Variants in ST3GAL6 observed in about 807,000 individuals in gnomAD.
ST3GAL6 encodes the protein type 2 lactosamine alpha-2,3-sialyltransferase.
In ST3GAL6, 31 loss-of-function variants were observed where a neutral mutation model predicts 40.5. The observed-to-expected ratio is 0.77, with a 90% CI of 0.58 to 1.03. The LOEUF (loss-of-function observed/expected upper bound fraction) is 1.03. Ranked by LOEUF, ST3GAL6 falls within the 50% of genes least tolerant of loss-of-function variation. ST3GAL6 has a pLI of 0.00. For missense variants in ST3GAL6, 357 were observed against 393.2 expected, an observed-to-expected ratio of 0.91 and a Z score of 0.78; for synonymous variants, 129 against 136.9, an observed-to-expected ratio of 0.94 and a Z score of 0.40.
At chr3:98,780,176 A>G (rs890734734) in intron 5 of ST3GAL6, among the ~76,000 whole-genome samples, 4 of 152,172 alleles carry the variant, frequency 2.6e-5, no homozygotes, top group African/African-American at 7.2e-5. Context: ...GAGGGAAGCA[A>G]TGAGTAACGA....
At chr3:98,759,353 G>A (rs552190337), upstream of ST3GAL6, among the ~76,000 whole-genome samples, 24 of 152,302 alleles carry the variant, frequency 1.6e-4, 1 homozygote, top group South Asian at 2.3e-3. Flanking sequence ...GAGGGAGGCC[G>A]TGTAGTGCTA....
chr3:98,776,097 T>A (rs1374999655), intron 5 of ST3GAL6, among the ~76,000 whole-genome samples: 1 of 152,218 alleles, frequency 6.6e-6, no homozygotes, highest in African/African-American at 2.4e-5. Context: ...GATAAGAATA[T>A]ATTTATGACA....
At chr3:98,753,059 A>G (rs1937146141) in intron 1 of ST3GAL6, among the ~76,000 whole-genome samples, 1 of 152,242 alleles carries the variant, frequency 6.6e-6, no homozygotes, top group Non-Finnish European at 1.5e-5. Context: ...AAGCTTAGTG[A>G]GGAAAGCCTG....
upstream of ST3GAL6, chr3:98,763,128 C>T (rs1937965263): frequency 5.1e-6 from 5 of 985,204 alleles, no homozygotes; most frequent in Non-Finnish European, 3.6e-6. Flanking sequence ...ATGGCTGGGT[C>T]TGTGAGGCTT....
At chr3:98,788,270 T>C (rs1321858686) in intron 7 of ST3GAL6, 48 bp downstream of exon 7, 1 of 1,588,594 alleles carries the variant, frequency 6.3e-7, no homozygotes, top group African/African-American at 1.4e-5. Context: ...TAGTGCTTTT[T>C]TTCCTTAAAA....
Position 98,792,068 on chromosome 3 carries a change from C to T in ST3GAL6, c.909+75C>T, listed in dbSNP as rs572213181. On this transcript the variant is annotated intron_variant, in intron 9 of 9. Transcript: ENST00000483910. ...GAGGGATGGAAAGCCCATATTTTCT[C>T]TTCTCACACTCATTTTACTGAGGGA... 7.7e-5 allele frequency: 105 copies of T among 1,367,328 alleles called. No homozygotes were observed. In the South Asian group the frequency reaches 1.8e-3, roughly 23 times the overall value. The allele number at this position is 1,367,328 out of a possible 1,614,324, so 84.7% of individuals were successfully genotyped here.
At chr3:98,768,618 A>C (rs1466208383) in intron 2 of ST3GAL6, 89 bp downstream of exon 2, 3 of 957,182 alleles carry the variant, frequency 3.1e-6, no homozygotes, top group Admixed American at 2.1e-5. Flanking sequence ...TATGAAAAAA[A>C]CTTGTACCAT....
intron 8 of ST3GAL6, among the ~76,000 whole-genome samples, chr3:98,791,191 T>C (rs1016168049): frequency 6.6e-6 from 1 of 152,190 alleles, no homozygotes; most frequent in Non-Finnish European, 1.5e-5. Flanking sequence ...TCAAGATATA[T>C]GTAAGATAAG....
At position 98,737,369 on chromosome 3, in the gene ST3GAL6, T is replaced by C. The variant is rs532956698; in HGVS notation, c.-12+4837T>C. Among the ~76,000 whole-genome samples, 303 of 152,222 alleles carry C rather than the reference T, an allele frequency of 2.0e-3. 3 individuals carry two copies. Among genetic ancestry groups the C allele is most frequent in the Middle Eastern group, 3.4e-3 (1 of 294 alleles). ...CGCGGCCCCTTCCTGTCTCTCTGTC[T>C]CTCTTTCTCTCTCTCACACACATAA... On this transcript the variant is annotated intron_variant, in intron 1 of 9. Coordinates refer to the ST3GAL6 transcript ENST00000265261.
rs143124268 is a variant in ST3GAL6 at position 98,780,056 on chromosome 3, A to G, written c.336-4889A>G. Among the ~76,000 whole-genome samples the G allele has an allele frequency of 3.3e-5, 5 of 152,380 alleles. 1 individual carries two copies. The highest frequency in any genetic ancestry group is 4.1e-4 in the South Asian group (2 of 4,830). ...AGTCACCCAAAGGACACTGAAAGTC[A>G]TTGTTCCACACATAAAAAGGCAGAG... On this transcript the variant is annotated intron_variant, in intron 5 of 9. Coordinates refer to ENST00000483910, the MANE Select transcript of ST3GAL6 (RefSeq NM_001323368.2).
chr3:98,739,618 T>G (rs1178319843), intron 1 of ST3GAL6, among the ~76,000 whole-genome samples: 1 of 152,212 alleles, frequency 6.6e-6, no homozygotes, highest in East Asian at 1.9e-4. Flanking sequence ...TATTAAAATC[T>G]TATGCAACTT....
intron 1 of ST3GAL6, among the ~76,000 whole-genome samples, chr3:98,766,571 C>T (rs1938368988): frequency 6.6e-6 from 1 of 151,878 alleles, no homozygotes; most frequent in African/African-American, 2.4e-5. Context: ...CAGGTGCCTG[C>T]CATCACGCCC....
At chr3:98,756,959 T>A (rs1937465829) in intron 1 of ST3GAL6, among the ~76,000 whole-genome samples, 1 of 152,242 alleles carries the variant, frequency 6.6e-6, no homozygotes, top group South Asian at 2.1e-4. Flanking sequence ...GTTTTCTCAA[T>A]AGAATTAATT....
chr3:98,756,376 A>C (rs1233254451), intron 1 of ST3GAL6: 1 of 1,289,782 alleles, frequency 7.8e-7, no homozygotes, highest in Admixed American at 2.3e-5. Flanking sequence ...CAGCATTTGC[A>C]AGTGAGGAAG....
chr3:98,741,847 C>G (rs927643462), intron 1 of ST3GAL6, among the ~76,000 whole-genome samples: 1 of 152,148 alleles, frequency 6.6e-6, no homozygotes, highest in Admixed American at 6.5e-5. Flanking sequence ...ATTTAGCACT[C>G]TCACTTTTAA....
At chr3:98,776,595 A>G (rs972570380) in intron 5 of ST3GAL6, among the ~76,000 whole-genome samples, 33 of 152,070 alleles carry the variant, frequency 2.2e-4, no homozygotes, top group Admixed American at 2.2e-3. Flanking sequence ...GATTACTTTC[A>G]AGTTACTTTC....
chr3:98,767,158 A>T (rs1938444711), intron 1 of ST3GAL6, among the ~76,000 whole-genome samples: 1 of 152,166 alleles, frequency 6.6e-6, no homozygotes, highest in Admixed American at 6.5e-5. Flanking sequence ...GCAAGGGAGG[A>T]GTGAAAAGCA....
chr3:98,741,514 T>C (rs1016668981), intron 1 of ST3GAL6, among the ~76,000 whole-genome samples: 1 of 151,958 alleles, frequency 6.6e-6, no homozygotes, highest in African/African-American at 2.4e-5. Context: ...CCAAGAAGGA[T>C]TGAGAAGTGC....
At chr3:98,790,547 A>T (rs780322649) in intron 8 of ST3GAL6, among the ~76,000 whole-genome samples, 1 of 152,222 alleles carries the variant, frequency 6.6e-6, no homozygotes, top group Admixed American at 6.5e-5. Context: ...ATGGAAATTT[A>T]CTAGTCAAAC....
Sources: gnomAD v4.1 joint callset for allele counts (sites outside exome capture counted in the v4.1 genomes callset) on GRCh38, gnomAD v4.1.1 for gene constraint, MANE v1.5 for transcripts, NCBI Gene and HGNC (gene_info 2026-07-23, HGNC 2026-07-21) for gene names.